TUT4: variants seen among roughly 807,000 people sequenced by gnomAD.
TUT4 encodes terminal uridylyltransferase 4.
A neutral mutation model predicts 192.2 loss-of-function variants in TUT4; 36 were observed. The observed-to-expected ratio is 0.19, with a 90% confidence interval of 0.14 to 0.25. The LOEUF (loss-of-function observed/expected upper bound fraction) is 0.25, where lower values mean the gene tolerates loss of function less well. Ranked by LOEUF, TUT4 falls within the 10% of genes least tolerant of loss-of-function variation. TUT4 has a pLI of 1.00. For missense variants in TUT4, 1,493 were observed against 1,957.2 expected (o/e 0.76, Z 4.47); for synonymous variants, 618 against 666.0 (o/e 0.93, Z 1.11).
At chr1:52,528,234 C>T (rs1374645066) in intron 1 of TUT4, among the ~76,000 whole-genome samples, 4 of 151,252 alleles carry the variant, frequency 2.6e-5, no homozygotes, top group Non-Finnish European at 2.9e-5. Context: ...ATGGCTCACA[C>T]CTGTAATCCC....
intron 14 of TUT4, among the ~76,000 whole-genome samples, chr1:52,470,812 T>C (rs1325418447): frequency 6.6e-6 from 1 of 152,056 alleles, no homozygotes; most frequent in Non-Finnish European, 1.5e-5. Context: ...AATTTTATCT[T>C]ACCTGGACAC....
At chr1:52,521,587 C>A (rs1398811172) in intron 2 of TUT4, among the ~76,000 whole-genome samples, 1 of 151,962 alleles carries the variant, frequency 6.6e-6, no homozygotes, top group Admixed American at 6.6e-5. Context: ...ATCACTTAAG[C>A]CCAGGAGGTA....
At chr1:52,479,909 G>A (rs1013482837) in intron 11 of TUT4, among the ~76,000 whole-genome samples, 3 of 151,526 alleles carry the variant, frequency 2.0e-5, no homozygotes, top group Non-Finnish European at 4.4e-5. Context: ...GCAGGAGAAT[G>A]GTGTGAACCT....
chr1:52,492,607 C>T (rs1244407268), intron 7 of TUT4, among the ~76,000 whole-genome samples: 1 of 152,166 alleles, frequency 6.6e-6, no homozygotes, highest in Non-Finnish European at 1.5e-5. Context: ...CAGTAAGTGG[C>T]AGAACTAAAA....
intron 3 of TUT4, among the ~76,000 whole-genome samples, chr1:52,511,375 T>C (rs1677112301): frequency 6.6e-6 from 1 of 152,188 alleles, no homozygotes; most frequent in African/African-American, 2.4e-5. Context: ...TCTTTACTCA[T>C]CAAATATATT....
Position 52,490,754 on chromosome 1 carries a change from C to G in TUT4, c.1366G>C (p.Val456Leu). The G allele has an allele frequency of 6.2e-7, 1 of 1,611,468 alleles. No individual in the cohort carries two copies. ...ESDFHAKVPV[V>L]VCRDRKSGLL... ...AACCTTTTTCGATCTCTGCACACCA[C>G]AACAGGAACTTTAGCGTGAAAATCA... Residue 456 changes from valine (V) to leucine (L), a missense_variant, in exon 8 of 30, where the codon GTG (valine) becomes CTG (leucine). Physicochemically the swap from Val to Leu is conservative, Grantham distance 32. Around this residue, in one of 7 missense-constraint regions of TUT4, gnomAD observed 437 missense variants for 577.6 expected, o/e 0.76. Transcript: ENST00000257177.
At chr1:52,438,419 G>A (rs1654462343) in intron 24 of TUT4, 84 bp from the exon 25 acceptor site, 4 of 875,390 alleles carry the variant, frequency 4.6e-6, no homozygotes, top group Non-Finnish European at 5.4e-6. Context: ...ATGCAAACAT[G>A]GTTTATTTTT....
chr1:52,450,558 GTAAAAATAATAA>G (rs533880871), intron 20 of TUT4, among the ~76,000 whole-genome samples: 73 of 152,174 alleles, frequency 4.8e-4, no homozygotes, highest in African/African-American at 1.4e-3. Context: ...AATCATAATA[GTAAAAATAATAA>G]TAAAAGCAAG....
chr1:52,477,613 T>G (rs990692291), intron 12 of TUT4, 95 bp downstream of exon 12: 39 of 1,181,980 alleles, frequency 3.3e-5, no homozygotes, highest in Non-Finnish European at 4.5e-5. Context: ...CATATATATA[T>G]AGTGCCACAA....
At chr1:52,499,119 C>A (rs183462505) in intron 4 of TUT4, among the ~76,000 whole-genome samples, 90 of 151,530 alleles carry the variant, frequency 5.9e-4, no homozygotes, top group African/African-American at 2.1e-3. Flanking sequence ...AACAACATGG[C>A]CAGGTCAGGT....
intron 11 of TUT4, among the ~76,000 whole-genome samples, chr1:52,479,997 G>GAAA (rs375149209): frequency 1.3e-4 from 9 of 67,130 alleles, no homozygotes; most frequent in Admixed American, 1.7e-4. Flanking sequence ...TCCGTCTCAG[G>GAAA]AAAAAAAAAA....
intron 1 of TUT4, chr1:52,538,645 TAAAAAAAAAAAAAGAAAAGAAAA>T (rs1394926373): frequency 6.9e-5 from 5 of 72,018 alleles, no homozygotes; most frequent in African/African-American, 1.2e-4. Context: ...AGACTCTGTC[TAAAAAAAAAAAAAGAAAAGAAAA>T]GAAAAAAAAA....
At chr1:52,512,863 T>C (rs1344056485) in intron 3 of TUT4, among the ~76,000 whole-genome samples, 1 of 151,624 alleles carries the variant, frequency 6.6e-6, no homozygotes, top group African/African-American at 2.4e-5. Flanking sequence ...AATTAGATAA[T>C]CTATGGAAAC....
chr1:52,445,631 T>C (rs948034788), intron 24 of TUT4, among the ~76,000 whole-genome samples, 156 bp downstream of exon 24: 5 of 152,184 alleles, frequency 3.3e-5, no homozygotes, highest in Non-Finnish European at 5.9e-5. Flanking sequence ...TGAAAATATA[T>C]ATCTCACTAT....
At chr1:52,463,985 A>G (rs1337454983) in intron 16 of TUT4, among the ~76,000 whole-genome samples, 1 of 152,194 alleles carries the variant, frequency 6.6e-6, no homozygotes, top group African/African-American at 2.4e-5. Context: ...TACAATGGAA[A>G]GAGCATGAAC....
At position 52,515,901 on chromosome 1, in the gene TUT4, C is replaced by A. The variant is rs200996250; in HGVS notation, c.872G>T (p.Arg291Leu). Residue 291 changes from arginine to leucine, a missense_variant, in exon 3 of 30, where the codon CGA becomes CTA. Arg to Leu is a moderately radical substitution (Grantham distance 102). This residue lies in a region of TUT4 where 437 missense variants were observed against 577.6 expected (regional missense o/e 0.76). Transcript: ENST00000257177. ...AACAACATAGTATACTTTTTCAAGT[C>A]GAAAGATGTGATCTCTTTCTAAGCG... is the stretch of plus-strand genomic sequence containing the variant. The part of the protein sequence containing the change: ...EERLERDHIF[R>L]LEKRSPEYTN... 8.1e-6 allele frequency: 13 copies of A among 1,613,722 alleles called. No homozygotes were observed. Among genetic ancestry groups the A allele is most frequent in the South Asian group, 4.4e-5 (4 of 91,060 alleles).
Position 52,435,253 on chromosome 1 carries a change from C to T in TUT4, c.4263+112G>A, listed in dbSNP as rs143329200. ...GCCTAGCAAGGACATATATACAAAG[C>T]ACTGTGTAATCTGGAAGATTGTATT... On this transcript the variant is annotated intron_variant, in intron 27 of 29. Coordinates refer to ENST00000257177, the MANE Select transcript of TUT4 (RefSeq NM_001009881.3). The T allele has an allele frequency of 1.3e-3, 987 of 778,246 alleles. 2 individuals are homozygous for T. The highest frequency in any genetic ancestry group is 1.6e-3 in the Non-Finnish European group (772 of 486,272). The allele number at this position is 778,246 out of a possible 1,614,324, so 48.2% of individuals were successfully genotyped here. A position where few individuals can be genotyped will look rare whatever the true frequency, so the allele number is the denominator to read the frequency against.
chr1:52,532,476 AT>A (rs1683748201), intron 1 of TUT4, among the ~76,000 whole-genome samples: 1 of 151,710 alleles, frequency 6.6e-6, no homozygotes, highest in Non-Finnish European at 1.5e-5. Flanking sequence ...ACACCTGGCA[AT>A]TTTTTAAAAA....
intron 16 of TUT4, among the ~76,000 whole-genome samples, chr1:52,464,138 TG>T (rs2148732778): frequency 6.6e-6 from 1 of 152,272 alleles, no homozygotes; most frequent in African/African-American, 2.4e-5. Flanking sequence ...CGAAGGTGGT[TG>T]TAAGAATGAA....
Sources: gnomAD v4.1 joint callset for allele counts (sites outside exome capture counted in the v4.1 genomes callset) on GRCh38, gnomAD v4.1.1 for gene constraint, gnomAD v4.1.1 regional missense constraint, MANE v1.5 for transcripts, NCBI Gene and HGNC (gene_info 2026-07-23, HGNC 2026-07-21) for gene names.